SHANK2: variants seen among roughly 807,000 people sequenced by gnomAD.
SHANK2 encodes the protein SH3 and multiple ankyrin repeat domains protein 2.
Under a neutral mutation model 133.7 loss-of-function variants are expected in SHANK2, and 43 were observed. The ratio of observed to expected loss-of-function variants is 0.32; its 90% CI spans 0.25 to 0.41. SHANK2 has a LOEUF of 0.41. Among genes scored for constraint, SHANK2 ranks in the 10% least tolerant of loss-of-function variants. The probability of loss-of-function intolerance (pLI) is 1.00; values close to 1 mark genes in which losing one functional copy is unlikely to be tolerated. For missense variants in SHANK2, 1,994 were observed against 2,235.8 expected (o/e 0.89, Z 2.18); for synonymous variants, 1,017 against 952.8 (o/e 1.07, Z -1.24).
chr11:70,638,416 T>C (rs1314500719), intron 17 of SHANK2, among the ~76,000 whole-genome samples: 1 of 152,116 alleles, frequency 6.6e-6, no homozygotes, highest in Non-Finnish European at 1.5e-5. Flanking sequence ...AAGCTGAGGG[T>C]CTGGGGCTGC....
At position 71,143,409 on chromosome 11, in the gene SHANK2, CA is replaced by C. The variant is rs374937044; in HGVS notation, c.207+3710del. On this transcript the variant is annotated intron_variant, in intron 3 of 25. Transcript: ENST00000601538. ...AACCCCAAAATCCATGCTTTTCGCACAAAACAGCCAAAGGTTTCAGCCTGCC... is the reference window on the plus strand; with the variant it reads ...AACCCCAAAATCCATGCTTTTCGCACAAACAGCCAAAGGTTTCAGCCTGCC... Among the ~76,000 whole-genome samples the C allele has an allele frequency of 2.9e-3, 444 of 152,332 alleles. 1 individual carries two copies. Among genetic ancestry groups the C allele is most frequent in the African/African-American group, 0.01 (432 of 41,570 alleles).
intron 17 of SHANK2, among the ~76,000 whole-genome samples, chr11:70,638,297 T>G (rs474329): frequency 0.02 from 3,018 of 151,898 alleles, 45 homozygotes; most frequent in Non-Finnish European, 0.031. Context: ...GACCACAAGC[T>G]ACTCCCAGTG....
At chr11:70,604,350 A>C (rs1475381666) in intron 17 of SHANK2, 3 of 152,546 alleles carry the variant, frequency 2.0e-5, no homozygotes, top group African/African-American at 7.2e-5. Flanking sequence ...GCAGATCTGC[A>C]CATGGCAGAT....
intron 14 of SHANK2, among the ~76,000 whole-genome samples, chr11:70,791,541 C>T (rs1947785910): frequency 6.6e-6 from 1 of 152,204 alleles, no homozygotes; most frequent in Non-Finnish European, 1.5e-5. Flanking sequence ...AACTTCCACC[C>T]AACTCTTCAT....
chr11:70,486,795 C>T lies in SHANK2; in HGVS notation c.3498G>A (p.Pro1166=), dbSNP rs1174074101. 6 of 1,612,174 alleles carry T rather than the reference C, an allele frequency of 3.7e-6. No individual in the cohort carries two copies. The highest frequency in any genetic ancestry group is 1.1e-5 in the South Asian group (1 of 91,084). ...AATTCAGCGGCCTCCCAGCCTCACC[C>T]GGAGCACTGGCCTCGGCGCCACCCA... ...HFVGGAEASA[P]GEAGRPLNST... is the part of the protein sequence containing the mutation. Residue 1166 remains proline (P), a synonymous_variant, in exon 25 of 26, where the codon CCG becomes CCA. Coordinates refer to ENST00000601538, the MANE Select transcript of SHANK2 (RefSeq NM_012309.5). This position sits in a 1 kb window ranked among gnomAD's most constrained non-coding sequence, Gnocchi z 8.0.
At chr11:71,231,888 A>AG (rs1179031174) in intron 1 of SHANK2, among the ~76,000 whole-genome samples, 1 of 151,952 alleles carries the variant, frequency 6.6e-6, no homozygotes, top group Non-Finnish European at 1.5e-5. Context: ...GGTGTCTTCA[A>AG]GGAAAAAAAA....
intron 17 of SHANK2, chr11:70,633,993 T>G (rs2061036673): frequency 6.6e-6 from 1 of 152,200 alleles, no homozygotes; most frequent in South Asian, 2.1e-4. Flanking sequence ...ACCCTGTCCC[T>G]CTAACAACCT....
At chr11:71,221,324 A>G (rs1345307211) in intron 2 of SHANK2, among the ~76,000 whole-genome samples, 1 of 152,214 alleles carries the variant, frequency 6.6e-6, no homozygotes, top group Admixed American at 6.5e-5. Context: ...TTGGACCCTC[A>G]CACCACAGTC....
At chr11:70,796,347 C>A (rs531808589) in intron 14 of SHANK2, among the ~76,000 whole-genome samples, 9 of 152,322 alleles carry the variant, frequency 5.9e-5, no homozygotes, top group Admixed American at 6.5e-5. Flanking sequence ...GATCCCCCTA[C>A]GCAGCAGCCC....
intron 21 of SHANK2, among the ~76,000 whole-genome samples, chr11:70,497,477 C>T (rs2058987456): frequency 6.6e-6 from 1 of 152,246 alleles, no homozygotes; most frequent in Admixed American, 6.5e-5. Context: ...AATCCCAAAA[C>T]ACTCCAGTGA....
At chr11:70,723,539 C>T (rs1228219760) in intron 14 of SHANK2, among the ~76,000 whole-genome samples, 1 of 152,164 alleles carries the variant, frequency 6.6e-6, no homozygotes, top group African/African-American at 2.4e-5. Flanking sequence ...GAATGCAGCC[C>T]AACTCACAGG....
intron 17 of SHANK2, among the ~76,000 whole-genome samples, chr11:70,599,298 T>TA (rs1354967841): frequency 3.9e-5 from 6 of 152,020 alleles, no homozygotes; most frequent in East Asian, 3.9e-4. Flanking sequence ...TGGAGATACT[T>TA]AAAAAACCAG....
At chr11:70,509,110 G>C (rs2135867273) in intron 17 of SHANK2, among the ~76,000 whole-genome samples, 1 of 152,352 alleles carries the variant, frequency 6.6e-6, no homozygotes, top group South Asian at 2.1e-4. Flanking sequence ...CTGTGGGACA[G>C]TCCCTGTCTG....
chr11:70,895,216 G>A (rs1022275246), intron 11 of SHANK2, among the ~76,000 whole-genome samples: 8 of 152,202 alleles, frequency 5.3e-5, no homozygotes, highest in South Asian at 4.1e-4. Context: ...TCTCCAAGGC[G>A]GGGTAGGTAC....
intron 3 of SHANK2, among the ~76,000 whole-genome samples, chr11:71,133,405 G>A (rs1228470194): frequency 1.1e-4 from 13 of 119,046 alleles, no homozygotes; most frequent in Middle Eastern, 4.1e-3. Context: ...CAGATGGAGG[G>A]AAGGATGGAT....
chr11:71,214,268 C>T (rs1338596870), intron 2 of SHANK2, among the ~76,000 whole-genome samples: 2 of 152,314 alleles, frequency 1.3e-5, no homozygotes, highest in East Asian at 3.9e-4. Flanking sequence ...CAGCCACCTC[C>T]ATCAGTTAAA....
At chr11:70,510,519 C>A (rs1392730824) in intron 17 of SHANK2, among the ~76,000 whole-genome samples, 1 of 152,178 alleles carries the variant, frequency 6.6e-6, no homozygotes, top group Non-Finnish European at 1.5e-5. Context: ...GATTGTCTTT[C>A]CTGCCTCTGC....
chr11:70,885,224 G>A (rs1949720715), intron 11 of SHANK2, among the ~76,000 whole-genome samples: 1 of 128,812 alleles, frequency 7.8e-6, no homozygotes, highest in Non-Finnish European at 1.8e-5. Context: ...GCATGGTGAG[G>A]GTCAGGCTAG....
At chr11:71,057,101 G>A (rs1950930416) in intron 9 of SHANK2, among the ~76,000 whole-genome samples, 2 of 152,140 alleles carry the variant, frequency 1.3e-5, no homozygotes, top group African/African-American at 2.4e-5. Flanking sequence ...TTGGGAGGTC[G>A]AGGTGGGCCA....
Sources: gnomAD v4.1 joint callset for allele counts (sites outside exome capture counted in the v4.1 genomes callset) on GRCh38, gnomAD v4.1.1 for gene constraint, Gnocchi (gnomAD v3.1) non-coding constraint, MANE v1.5 for transcripts, NCBI Gene and HGNC (gene_info 2026-07-23, HGNC 2026-07-21) for gene names.